The following LRRC4C variants were observed in gnomAD, a reference collection of about 807,000 sequenced individuals.
LRRC4C encodes leucine rich repeat containing 4C.
Under a neutral mutation model 33.6 loss-of-function variants are expected in LRRC4C, and 5 were observed. The ratio of observed to expected loss-of-function variants is 0.15; its 90% CI spans 0.08 to 0.31. LRRC4C has a LOEUF of 0.31. Among genes scored for constraint, LRRC4C ranks in the 10% least tolerant of loss-of-function variants. The probability of loss-of-function intolerance (pLI) is 1.00; values close to 1 mark genes in which losing one functional copy is unlikely to be tolerated. For missense variants in LRRC4C, 560 were observed against 796.7 expected (o/e 0.70, Z 3.58); for synonymous variants, 329 against 302.0 (o/e 1.09, Z -0.93).
At chr11:41,148,582 T>C (rs1943839177) in intron 1 of LRRC4C, among the ~76,000 whole-genome samples, 1 of 152,084 alleles carries the variant, frequency 6.6e-6, no homozygotes, top group Admixed American at 6.5e-5. Context: ...AGAAATTATC[T>C]TAATGGTTTT....
At chr11:41,204,639 C>T (rs969458632) in intron 1 of LRRC4C, among the ~76,000 whole-genome samples, 2 of 152,156 alleles carry the variant, frequency 1.3e-5, no homozygotes, top group African/African-American at 4.8e-5. Context: ...TCATTCTGTG[C>T]TTAATCTTTA....
chr11:40,725,688 CAT>C (rs1403334342), intron 2 of LRRC4C, among the ~76,000 whole-genome samples: 4 of 152,072 alleles, frequency 2.6e-5, no homozygotes, highest in East Asian at 3.9e-4. Context: ...CATAAAGAAA[CAT>C]GTTATCAAAC....
intron 2 of LRRC4C, among the ~76,000 whole-genome samples, chr11:40,883,304 A>T (rs1331548157): frequency 6.6e-6 from 1 of 152,052 alleles, no homozygotes; most frequent in East Asian, 1.9e-4. Flanking sequence ...CCCTATAGTC[A>T]ACTGTGACTG....
chr11:41,267,140 GTAT>G (rs1457543372), intron 1 of LRRC4C, among the ~76,000 whole-genome samples: 1 of 152,048 alleles, frequency 6.6e-6, no homozygotes, highest in African/African-American at 2.4e-5. Context: ...ACACTGAGAA[GTAT>G]TATAAGATAA....
intron 1 of LRRC4C, among the ~76,000 whole-genome samples, chr11:41,296,104 T>A (rs1381735200): frequency 6.6e-6 from 1 of 152,114 alleles, no homozygotes; most frequent in African/African-American, 2.4e-5. Flanking sequence ...GGATCAATAT[T>A]TCCTACATTA....
intron 2 of LRRC4C, among the ~76,000 whole-genome samples, chr11:40,896,318 G>A (rs1955937285): frequency 6.6e-6 from 1 of 152,092 alleles, no homozygotes; most frequent in Non-Finnish European, 1.5e-5. Context: ...ACCATTCTAA[G>A]CAGAAAGGAA....
Position 40,935,419 on chromosome 11 carries a change from G to A in LRRC4C, c.-495-1696C>T, listed in dbSNP as rs537047875. 2.6e-5 allele frequency among the ~76,000 whole-genome samples: 4 copies of A among 152,222 alleles called. No individual in the cohort carries two copies. In the East Asian group the frequency reaches 7.7e-4, roughly 29 times the overall value. On this transcript the variant is annotated intron_variant, in intron 1 of 6. Transcript: ENST00000528697. ...ATATAGTCATACACTGCACGTGGAT[G>A]TTTCAGTCAACAACAGACCACTTAT...
chr11:40,792,237 T>A (rs909194878), intron 2 of LRRC4C, among the ~76,000 whole-genome samples: 7 of 152,034 alleles, frequency 4.6e-5, no homozygotes, highest in Non-Finnish European at 1.0e-4. Context: ...AAATCAATAA[T>A]GACGCTTCCA....
intron 5 of LRRC4C, among the ~76,000 whole-genome samples, chr11:40,195,051 A>T (rs982680758): frequency 6.6e-6 from 1 of 151,916 alleles, no homozygotes; most frequent in Non-Finnish European, 1.5e-5. Context: ...AGAGTGCGCC[A>T]CTGCACTCCA....
intron 3 of LRRC4C, among the ~76,000 whole-genome samples, chr11:40,419,712 G>A (rs192731921): frequency 3.9e-5 from 6 of 152,310 alleles, no homozygotes; most frequent in African/African-American, 1.4e-4. Context: ...TTCACCAATA[G>A]AGGGGAATAA....
At chr11:40,758,670 A>C (rs535615229) in intron 2 of LRRC4C, among the ~76,000 whole-genome samples, 2 of 152,174 alleles carry the variant, frequency 1.3e-5, no homozygotes, top group African/African-American at 2.4e-5. Flanking sequence ...AAGATGTAAA[A>C]GGTTTAAAGA....
chr11:41,165,122 C>T lies in LRRC4C; in HGVS notation c.-495-231399G>A, dbSNP rs376935926. ...TTTATTGGATCACCAATAAATAGCG[C>T]GGGTTCCCAGAGCCTGGGACCTTCG... On this transcript the variant is annotated intron_variant, in intron 1 of 6. Coordinates refer to ENST00000528697, the MANE Select transcript of LRRC4C (RefSeq NM_001258419.2). Among the ~76,000 whole-genome samples the T allele has an allele frequency of 3.2e-3, 489 of 152,208 alleles. 2 individuals are homozygous for T. The highest frequency in any genetic ancestry group is 9.7e-3 in the African/African-American group (402 of 41,538).
chr11:40,177,944 C>T (rs1485819014), intron 5 of LRRC4C, among the ~76,000 whole-genome samples: 2 of 152,220 alleles, frequency 1.3e-5, no homozygotes, highest in African/African-American at 4.8e-5. Context: ...CATCAATTTT[C>T]ATAAAGACTT....
intron 4 of LRRC4C, chr11:40,294,059 C>T (rs953997210): frequency 6.6e-6 from 1 of 152,534 alleles, no homozygotes; most frequent in African/African-American, 2.4e-5. Flanking sequence ...AGGGTCCTAG[C>T]TTCCAAAAGC....
At chr11:40,454,450 C>T (rs191140544) in intron 3 of LRRC4C, among the ~76,000 whole-genome samples, 18 of 151,790 alleles carry the variant, frequency 1.2e-4, no homozygotes, top group Admixed American at 7.2e-4. Context: ...CTGACATCTT[C>T]GAAGTGCTGA....
At chr11:41,276,219 T>G (rs546509908) in intron 1 of LRRC4C, among the ~76,000 whole-genome samples, 1 of 152,296 alleles carries the variant, frequency 6.6e-6, no homozygotes, top group African/African-American at 2.4e-5. Context: ...ATTGTCTGTA[T>G]AAGAAGTGTG....
At chr11:40,772,107 G>A (rs966934084) in intron 2 of LRRC4C, among the ~76,000 whole-genome samples, 1 of 152,104 alleles carries the variant, frequency 6.6e-6, no homozygotes. Context: ...CCCAAGACCG[G>A]GTAATTTATA....
At chr11:40,585,296 C>T (rs1239795552) in intron 3 of LRRC4C, among the ~76,000 whole-genome samples, 1 of 152,102 alleles carries the variant, frequency 6.6e-6, no homozygotes, top group Non-Finnish European at 1.5e-5. Context: ...ACTCTGGCAT[C>T]TCCTAAAATG....
intron 4 of LRRC4C, among the ~76,000 whole-genome samples, chr11:40,287,373 G>A (rs545658157): frequency 2.0e-5 from 3 of 151,876 alleles, no homozygotes; most frequent in Non-Finnish European, 4.4e-5. Flanking sequence ...ATATATGTGC[G>A]TGCCTGCGTG....
Sources: gnomAD v4.1 joint callset for allele counts (sites outside exome capture counted in the v4.1 genomes callset) on GRCh38, gnomAD v4.1.1 for gene constraint, MANE v1.5 for transcripts, NCBI Gene and HGNC (gene_info 2026-07-23, HGNC 2026-07-21) for gene names.